The following GALNT13 variants were observed in gnomAD, a reference collection of about 807,000 sequenced individuals.
GALNT13 encodes UDP-GalNAc:polypeptide N-acetylgalactosaminyltransferase 13.
GALNT13 carries 28 observed loss-of-function variants against 64.2 expected under a neutral mutation model. The ratio of observed to expected loss-of-function variants is 0.44; its 90% CI spans 0.32 to 0.60. GALNT13 has a LOEUF of 0.60. GALNT13 is among the 20% of genes least tolerant of loss of function. GALNT13 has a pLI of 0.05. For missense variants in GALNT13, 577 were observed against 669.8 expected, an observed-to-expected ratio of 0.86 and a Z score of 1.53; for synonymous variants, 214 against 224.6, an observed-to-expected ratio of 0.95 and a Z score of 0.42.
chr2:153,666,066 C>T, the GALNT13 span, among the ~76,000 whole-genome samples: 1 of 152,114 alleles, frequency 6.6e-6, no homozygotes, highest in African/African-American at 2.4e-5. Context: ...ATCTGACAGG[C>T]TCTCCTGGGG....
At chr2:154,031,907 G>T (rs1397725252) in intron 3 of GALNT13, among the ~76,000 whole-genome samples, 2 of 151,730 alleles carry the variant, frequency 1.3e-5, no homozygotes, top group Admixed American at 6.6e-5. Flanking sequence ...CAATAAGCAC[G>T]ATCAGCCAAT....
chr2:153,853,816 A>G, the GALNT13 span, among the ~76,000 whole-genome samples: 1 of 151,452 alleles, frequency 6.6e-6, no homozygotes, highest in African/African-American at 2.4e-5. Context: ...TAGAACATAC[A>G]GTTCTAGTGA....
chr2:153,821,122 C>T, the GALNT13 span, among the ~76,000 whole-genome samples: 3 of 152,108 alleles, frequency 2.0e-5, no homozygotes, highest in African/African-American at 7.2e-5. Flanking sequence ...TGAAAAGATT[C>T]ATACAGCCAC....
chr2:153,704,975 C>T, the GALNT13 span, among the ~76,000 whole-genome samples: 1 of 152,100 alleles, frequency 6.6e-6, no homozygotes, highest in Non-Finnish European at 1.5e-5. Flanking sequence ...AATTCAATAA[C>T]CTCATTTATA....
chr2:154,050,177 T>G (rs1196681330), intron 3 of GALNT13, among the ~76,000 whole-genome samples: 1 of 152,186 alleles, frequency 6.6e-6, no homozygotes, highest in Non-Finnish European at 1.5e-5. Context: ...ATAATAGTAA[T>G]AAGCCTTTGT....
intron 8 of GALNT13, among the ~76,000 whole-genome samples, chr2:154,275,743 T>A (rs1574000383): frequency 6.6e-6 from 1 of 152,268 alleles, no homozygotes; most frequent in Non-Finnish European, 1.5e-5. Flanking sequence ...GCCACTGTCC[T>A]CCAGACCCCA....
chr2:153,097,312 C>T, the GALNT13 span, among the ~76,000 whole-genome samples: 1 of 151,926 alleles, frequency 6.6e-6, no homozygotes, highest in Non-Finnish European at 1.5e-5. Flanking sequence ...AGCACAGTTA[C>T]AGTATTATAT....
chr2:153,378,703 A>G, the GALNT13 span, among the ~76,000 whole-genome samples: 1 of 152,150 alleles, frequency 6.6e-6, no homozygotes, highest in Non-Finnish European at 1.5e-5. Flanking sequence ...ATGTTTTAGT[A>G]GCAACTGATT....
chr2:154,063,770 G>GT (rs1231634114), intron 3 of GALNT13, among the ~76,000 whole-genome samples: 6 of 152,190 alleles, frequency 3.9e-5, no homozygotes, highest in South Asian at 2.1e-4. Flanking sequence ...AAAGCAAGAG[G>GT]TTTTTTGCAG....
intron 10 of GALNT13, among the ~76,000 whole-genome samples, chr2:154,403,386 T>A (rs537693417): frequency 6.6e-6 from 1 of 151,690 alleles, no homozygotes; most frequent in Non-Finnish European, 1.5e-5. Context: ...AACCTGGGAG[T>A]TGGAGGTTGC....
At chr2:154,339,419 G>A (rs1229863151) in intron 9 of GALNT13, among the ~76,000 whole-genome samples, 1 of 151,958 alleles carries the variant, frequency 6.6e-6, no homozygotes, top group African/African-American at 2.4e-5. Flanking sequence ...GTGTACTTTA[G>A]GTTAGAATTA....
intron 9 of GALNT13, among the ~76,000 whole-genome samples, chr2:154,331,996 A>G (rs1233142525): frequency 1.3e-5 from 2 of 152,098 alleles, no homozygotes; most frequent in African/African-American, 2.4e-5. Context: ...TCTCCACGTG[A>G]TCTATTTCAG....
chr2:153,447,363 AAAC>A, the GALNT13 span, among the ~76,000 whole-genome samples: 7 of 152,220 alleles, frequency 4.6e-5, no homozygotes, highest in Admixed American at 4.6e-4. Context: ...GAGGGACACG[AAAC>A]AACAAGATGC....
chr2:153,750,683 T>A, the GALNT13 span, among the ~76,000 whole-genome samples: 3 of 151,912 alleles, frequency 2.0e-5, no homozygotes, highest in South Asian at 6.2e-4. Flanking sequence ...CATTTTCATT[T>A]CTGATTTTAT....
At chr2:153,734,139 G>A in the GALNT13 span, among the ~76,000 whole-genome samples, 2 of 152,066 alleles carry the variant, frequency 1.3e-5, no homozygotes. Flanking sequence ...CTGGCTTCTG[G>A]TGGCCCCCGT....
chr2:153,085,426 A>G, the GALNT13 span, among the ~76,000 whole-genome samples: 2 of 151,988 alleles, frequency 1.3e-5, no homozygotes, highest in African/African-American at 4.8e-5. Context: ...AGGAGGAAAA[A>G]GGTTTTGTGG....
intron 2 of GALNT13, among the ~76,000 whole-genome samples, chr2:153,916,314 G>A (rs993451777): frequency 6.6e-6 from 1 of 151,852 alleles, no homozygotes; most frequent in Non-Finnish European, 1.5e-5. Flanking sequence ...GTGGCGTTGT[G>A]CCTGGCTAAT....
intron 3 of GALNT13, among the ~76,000 whole-genome samples, chr2:154,107,190 A>C (rs981588538): frequency 2.0e-5 from 3 of 152,170 alleles, no homozygotes; most frequent in African/African-American, 7.2e-5. Context: ...CAGAACATGA[A>C]CCTAATAAAC....
At chr2:153,850,913 C>A in the GALNT13 span, among the ~76,000 whole-genome samples, 12 of 152,086 alleles carry the variant, frequency 7.9e-5, no homozygotes, top group Non-Finnish European at 1.3e-4. Flanking sequence ...TTCAAGTAGC[C>A]TTGGTGTAAT....
Sources: allele counts gnomAD v4.1 joint callset (sites outside exome capture counted in the v4.1 genomes callset), GRCh38; gene constraint gnomAD v4.1.1; transcripts MANE v1.5; gene names NCBI Gene and HGNC (gene_info 2026-07-23, HGNC 2026-07-21).